The following KCTD16 variants were observed in gnomAD, a reference collection of about 807,000 sequenced individuals.
KCTD16 encodes BTB/POZ domain-containing protein KCTD16.
KCTD16 carries 13 observed loss-of-function variants against 33.2 expected under a neutral mutation model. That is an observed-to-expected ratio of 0.39 (90% CI 0.25 to 0.62). The LOEUF (loss-of-function observed/expected upper bound fraction) is 0.62, where lower values mean the gene tolerates loss of function less well. KCTD16 is among the 20% of genes least tolerant of loss of function. The pLI, the probability that KCTD16 is intolerant of heterozygous loss-of-function variation, is 0.50. For synonymous variants in KCTD16, 197 were observed against 195.3 expected (o/e 1.01, Z -0.07); for missense variants, 441 against 525.1 (o/e 0.84, Z 1.57).
chr5:144,252,092 A>G (rs986794963), intron 3 of KCTD16, among the ~76,000 whole-genome samples: 1 of 152,182 alleles, frequency 6.6e-6, no homozygotes, highest in Non-Finnish European at 1.5e-5. Context: ...CATAGTTATT[A>G]TAAAATATTT....
In KCTD16 at chr5:144,221,950, A is replaced by T. The variant is rs528222872; in HGVS notation, c.832+14404A>T. Among the ~76,000 whole-genome samples, 6 of 152,220 alleles carry T rather than the reference A, an allele frequency of 3.9e-5. No individual in the cohort carries two copies. In the East Asian group the frequency reaches 1.2e-3, roughly 29 times the overall value. On this transcript the variant is annotated intron_variant, in intron 3 of 3. Transcript: ENST00000512467. ...CCTGTTGTTTCCTGACTTTTTAATG[A>T]TTGCCATTCTAACTGGCGTGAGATG...
intron 3 of KCTD16, among the ~76,000 whole-genome samples, chr5:144,347,697 A>T (rs989881362): frequency 6.6e-6 from 1 of 152,196 alleles, no homozygotes; most frequent in Non-Finnish European, 1.5e-5. Context: ...GCAAGTGAAA[A>T]GGCTGAGTCT....
At chr5:144,201,961 A>G (rs1753052744) in intron 2 of KCTD16, among the ~76,000 whole-genome samples, 1 of 152,246 alleles carries the variant, frequency 6.6e-6, no homozygotes. Context: ...GAGTGATCAC[A>G]TTATTTCAAA....
At chr5:144,194,335 A>T (rs940306101) in intron 2 of KCTD16, among the ~76,000 whole-genome samples, 5 of 152,216 alleles carry the variant, frequency 3.3e-5, no homozygotes, top group African/African-American at 1.2e-4. Context: ...AAACATTACA[A>T]CACTGCCGTA....
At chr5:144,222,788 C>T (rs1753802254) in intron 3 of KCTD16, among the ~76,000 whole-genome samples, 1 of 152,228 alleles carries the variant, frequency 6.6e-6, no homozygotes, top group Non-Finnish European at 1.5e-5. Flanking sequence ...CATCCCATTA[C>T]TGGGTATATA....
Position 144,468,210 on chromosome 5 carries a change from C to A in KCTD16, c.833-5450C>A, listed in dbSNP as rs939928601. 4.6e-5 allele frequency among the ~76,000 whole-genome samples: 7 copies of A among 152,324 alleles called. No individual in the cohort carries two copies. In the East Asian group the frequency reaches 1.2e-3, roughly 25 times the overall value. ...TTTTAGGTTCTAATAACTGCATTTTCTTTTACTTGTCTCCTCAGACTTAAG... is the reference window on the plus strand; with the variant it reads ...TTTTAGGTTCTAATAACTGCATTTTATTTTACTTGTCTCCTCAGACTTAAG... On this transcript the variant is annotated intron_variant, in intron 3 of 3. Coordinates refer to ENST00000512467, the MANE Select transcript of KCTD16 (RefSeq NM_020768.4).
intron 3 of KCTD16, among the ~76,000 whole-genome samples, chr5:144,212,506 T>A (rs1753428584): frequency 6.6e-6 from 1 of 152,124 alleles, no homozygotes; most frequent in Admixed American, 6.5e-5. Flanking sequence ...GAAGACCAAA[T>A]ATTTCTAACA....
At chr5:144,340,014 G>A (rs1381599738) in intron 3 of KCTD16, among the ~76,000 whole-genome samples, 7 of 152,070 alleles carry the variant, frequency 4.6e-5, no homozygotes, top group Non-Finnish European at 1.0e-4. Context: ...GATTAAATAA[G>A]GGGGAAAGGG....
intron 3 of KCTD16, among the ~76,000 whole-genome samples, chr5:144,470,951 C>T (rs1485415265): frequency 6.6e-6 from 1 of 152,096 alleles, no homozygotes; most frequent in East Asian, 1.9e-4. Flanking sequence ...GAGGCCAAGG[C>T]GGGCAGATCA....
intron 3 of KCTD16, among the ~76,000 whole-genome samples, chr5:144,414,663 T>G (rs140969995): frequency 3.9e-5 from 6 of 152,380 alleles, no homozygotes; most frequent in African/African-American, 1.4e-4. Flanking sequence ...TATCAAAGTT[T>G]TATTTATCAC....
intron 3 of KCTD16, among the ~76,000 whole-genome samples, chr5:144,307,760 T>G (rs1751646303): frequency 6.6e-6 from 1 of 152,202 alleles, no homozygotes; most frequent in African/African-American, 2.4e-5. Context: ...TACATTAAGG[T>G]GAGCTCATGG....
intron 3 of KCTD16, among the ~76,000 whole-genome samples, chr5:144,345,538 T>G (rs1214896014): frequency 6.6e-6 from 1 of 152,062 alleles, no homozygotes; most frequent in Admixed American, 6.5e-5. Context: ...ACCTTTTGGG[T>G]TTTTCTTCCT....
chr5:144,236,792 T>G (rs1397756833), intron 3 of KCTD16, among the ~76,000 whole-genome samples: 1 of 152,140 alleles, frequency 6.6e-6, no homozygotes, highest in African/African-American at 2.4e-5. Flanking sequence ...GAGATTTTTC[T>G]GTTACTCACT....
chr5:144,440,310 C>A (rs973618243), intron 3 of KCTD16, among the ~76,000 whole-genome samples: 2 of 152,106 alleles, frequency 1.3e-5, no homozygotes, highest in East Asian at 1.9e-4. Context: ...ATTCACTATG[C>A]GCCATCGTCC....
rs1229394733 is a variant in KCTD16, at chr5:144,478,531, G to A, written c.*4417G>A. 1.3e-5 allele frequency: 2 copies of A among 151,988 alleles called. No homozygotes were observed. The highest frequency in any genetic ancestry group is 2.9e-5 in the Non-Finnish European group (2 of 67,936). The allele number at this position is 151,988 out of a possible 1,614,324, so 9.4% of individuals were successfully genotyped here. ...TACTCAGTATGCACAAAAATCATGT[G>A]TAGCACTTGTAAAAATGCAGATTCC... On this transcript the variant is annotated 3_prime_UTR_variant, in exon 4 of 4. Transcript: ENST00000512467.
At chr5:144,373,445 T>C (rs29898) in intron 3 of KCTD16, among the ~76,000 whole-genome samples, 32,434 of 152,112 alleles carry the variant, frequency 0.21, 3,908 homozygotes, top group Non-Finnish European at 0.27. Flanking sequence ...GAAAATAGTA[T>C]ATGTTCATTA....
chr5:144,320,201 A>G (rs1752036565), intron 3 of KCTD16, among the ~76,000 whole-genome samples: 1 of 152,220 alleles, frequency 6.6e-6, no homozygotes, highest in Non-Finnish European at 1.5e-5. Flanking sequence ...TGCAATTATA[A>G]TCTTTTAAAA....
At chr5:144,278,888 T>C (rs943103572) in intron 3 of KCTD16, among the ~76,000 whole-genome samples, 2 of 152,232 alleles carry the variant, frequency 1.3e-5, no homozygotes, top group Non-Finnish European at 2.9e-5. Context: ...ATTATACGTA[T>C]AGATCAATTT....
chr5:144,324,953 A>G (rs1752166023), intron 3 of KCTD16, among the ~76,000 whole-genome samples: 3 of 152,186 alleles, frequency 2.0e-5, no homozygotes, highest in African/African-American at 7.2e-5. Flanking sequence ...AGAGCATCAG[A>G]AAAAATAGCT....
Sources: allele counts gnomAD v4.1 joint callset (sites outside exome capture counted in the v4.1 genomes callset), GRCh38; gene constraint gnomAD v4.1.1; transcripts MANE v1.5; gene names NCBI Gene and HGNC (gene_info 2026-07-23, HGNC 2026-07-21).